FMNL1: variants seen among roughly 807,000 people sequenced by gnomAD.
FMNL1 encodes the protein formin like 1.
Under a neutral mutation model 121.3 loss-of-function variants are expected in FMNL1, and 43 were observed. The observed-to-expected ratio is 0.35, with a 90% CI of 0.28 to 0.46. The LOEUF (loss-of-function observed/expected upper bound fraction) is 0.46. Ranked by LOEUF, FMNL1 falls within the 20% of genes least tolerant of loss-of-function variation. The probability of loss-of-function intolerance (pLI) is 1.00; values close to 1 mark genes in which losing one functional copy is unlikely to be tolerated. For synonymous variants in FMNL1, 613 were observed against 613.5 expected (o/e 1.00, Z 0.01); for missense variants, 1,191 against 1,482.4 (o/e 0.80, Z 3.23).
rs1020654688 is a variant in FMNL1, at chr17:45,246,621, GC to G, written c.*8+19del. ...GCCCCTCAGGTACCCAGATGACCTGGCCTCTGATACCACGCTGCCCACAGCC... is the reference window on the plus strand; with the variant it reads ...GCCCCTCAGGTACCCAGATGACCTGGCTCTGATACCACGCTGCCCACAGCC... On this transcript the variant is annotated intron_variant, in intron 26 of 26. Coordinates refer to ENST00000331495, the MANE Select transcript of FMNL1 (RefSeq NM_005892.4). The G allele has an allele frequency of 6.4e-7, 1 of 1,573,182 alleles. No individual in the cohort carries two copies. The highest frequency in any genetic ancestry group is 8.6e-7 in the Non-Finnish European group (1 of 1,157,052).
At position 45,241,609 on chromosome 17, in the gene FMNL1, G is replaced by A; in HGVS notation, c.1560G>A (p.Gly520=). Residue 520 remains glycine (G), a synonymous_variant, in exon 14 of 27, where the codon GGG becomes GGA. Transcript: ENST00000331495. The surrounding 1 kb of genome is among the most constrained non-coding windows in gnomAD (Gnocchi z 7.0). ...GCGGCGGTGATGCTCCGACTCCGGG[G>A]GTGCCGACCGGCTCCCCCAGCCCAG... ...TPSGGDAPTP[G]VPTGSPSPDL... The A allele has an allele frequency of 6.5e-7, 1 of 1,527,094 alleles. No individual in the cohort carries two copies. Among genetic ancestry groups the A allele is most frequent in the Non-Finnish European group, 8.8e-7 (1 of 1,134,396 alleles). The allele number at this position is 1,527,094 out of a possible 1,614,324, so 94.6% of individuals were successfully genotyped here. A position where few individuals can be genotyped will look rare whatever the true frequency, so the allele number is the denominator to read the frequency against.
intron 24 of FMNL1, 34 bp from the exon 25 acceptor site, chr17:45,246,176 G>A (rs1259735618): frequency 1.3e-6 from 2 of 1,584,622 alleles, no homozygotes; most frequent in African/African-American, 1.3e-5. Flanking sequence ...TGATGGGGAG[G>A]CATCCTGGAG....
chr17:45,246,432 T>TCTTG lies in FMNL1; in HGVS notation c.3212-70_3212-67dup, dbSNP rs532560350. On this transcript the variant is annotated intron_variant, in intron 25 of 26. Transcript: ENST00000331495. ...CTGGGGGACTGGCTGCCACACTGCT[T>TCTTG]CTTGCTACCTTTTCTGTTTTTCTTT... 499 of 1,613,122 alleles carry TCTTG rather than the reference T, an allele frequency of 3.1e-4. 4 individuals are homozygous for TCTTG. The South Asian group carries it at 5.0e-3, about 16-fold the overall frequency.
chr17:45,240,642 A>G lies in FMNL1; in HGVS notation c.1230+17A>G, dbSNP rs773970931. ...GTGGCGCTGGTGAGAGTGGGTCCTG[A>G]CCCCAGCCCAGCACATCATAGGCCC... On this transcript the variant is annotated intron_variant, in intron 12 of 26. Coordinates refer to ENST00000331495, the MANE Select transcript of FMNL1 (RefSeq NM_005892.4). 1.2e-6 allele frequency: 2 copies of G among 1,608,868 alleles called. No homozygotes were observed. Among genetic ancestry groups the G allele is most frequent in the South Asian group, 1.1e-5 (1 of 90,532 alleles).
chr17:45,223,989 G>C (rs866800407), intron 1 of FMNL1, among the ~76,000 whole-genome samples: 2 of 152,116 alleles, frequency 1.3e-5, no homozygotes, highest in African/African-American at 4.8e-5. Context: ...ATGCCACTGG[G>C]AGTCCCTGAG....
At position 45,241,627 on chromosome 17, in the gene FMNL1, C is replaced by A. The variant is rs1272679028; in HGVS notation, c.1578C>A (p.Pro526=). The A allele has an allele frequency of 6.6e-7, 1 of 1,511,290 alleles. No individual in the cohort carries two copies. The highest frequency in any genetic ancestry group is 2.4e-5 in the East Asian group (1 of 42,268). The allele number at this position is 1,511,290 out of a possible 1,614,324, so 93.6% of individuals were successfully genotyped here. The change falls in exon 14 of 27, where the codon CCC becomes CCA. Residue 526 remains proline (P), a synonymous_variant. Transcript: ENST00000331495. This position sits in a 1 kb window ranked among gnomAD's most constrained non-coding sequence, Gnocchi z 7.0. ...CTCCGGGGGTGCCGACCGGCTCCCC[C>A]AGCCCAGGTGCGCAGGAGCTTCAGG... is the stretch of plus-strand genomic sequence containing the variant. ...APTPGVPTGS[P]SPDLAPAAEP...
intron 1 of FMNL1, among the ~76,000 whole-genome samples, chr17:45,227,878 G>A (rs185258319): frequency 5.8e-4 from 88 of 152,326 alleles, no homozygotes; most frequent in African/African-American, 2.1e-3. Flanking sequence ...TGTAGGGCTA[G>A]TTGGGCCCAG....
intron 1 of FMNL1, among the ~76,000 whole-genome samples, chr17:45,224,329 A>G (rs2043290213): frequency 6.6e-6 from 1 of 152,140 alleles, no homozygotes; most frequent in Non-Finnish European, 1.5e-5. Flanking sequence ...GAGTTGGTTC[A>G]ACCCTCAGGT....
chr17:45,230,559 T>G, intron 1 of FMNL1, 45 bp from the exon 2 acceptor site: 2 of 1,600,614 alleles, frequency 1.2e-6, no homozygotes, highest in Non-Finnish European at 1.7e-6. Context: ...CCTCTCCCCT[T>G]GTTGGGGCCC....
rs2043813992 is a variant in FMNL1, at chr17:45,245,679, C to T, written c.2940C>T (p.Thr980=). 1.2e-6 allele frequency: 2 copies of T among 1,614,102 alleles called. No individual in the cohort carries two copies. Among genetic ancestry groups the T allele is most frequent in the African/African-American group, 2.7e-5 (2 of 75,026 alleles). The part of the protein sequence containing the change: ...VVEYFGENPK[T]TSPGLFFSLF... ...AGTACTTCGGAGAGAACCCCAAGAC[C>T]ACATCCCCAGGCCTGTTCTTCTCCC... is the stretch of plus-strand genomic sequence containing the variant. The change falls in exon 23 of 27, where the codon ACC becomes ACT. Residue 980 remains threonine (T), a synonymous_variant. Transcript: ENST00000331495.
chr17:45,233,705 C>T lies in FMNL1; in HGVS notation c.459C>T (p.Tyr153=), dbSNP rs2043488580. 1.9e-6 allele frequency: 3 copies of T among 1,613,940 alleles called. No individual in the cohort carries two copies. The highest frequency in any genetic ancestry group is 1.7e-6 in the Non-Finnish European group (2 of 1,179,986). The part of the protein sequence containing the change: ...ENRGLDVLLE[Y]LAFAQCSVTY... ...GTGGCCTGGATGTGCTGCTCGAGTA[C>T]CTGGCCTTTGCCCAGTGCTCTGTCA... Residue 153 remains tyrosine (Y), a synonymous_variant, in exon 5 of 27, where the codon TAC becomes TAT. Coordinates refer to ENST00000331495, the MANE Select transcript of FMNL1 (RefSeq NM_005892.4). The surrounding 1 kb of genome is among the most constrained non-coding windows in gnomAD (Gnocchi z 4.1).
intron 6 of FMNL1, among the ~76,000 whole-genome samples, chr17:45,235,750 T>C (rs921462873): frequency 1.3e-5 from 2 of 152,184 alleles, no homozygotes; most frequent in East Asian, 3.8e-4. Context: ...AAGTGACTTA[T>C]CCAGTAAATG....
chr17:45,241,301 C>G lies in FMNL1; in HGVS notation c.1332+71C>G. 1 of 1,606,478 alleles carries G rather than the reference C, an allele frequency of 6.2e-7. No homozygotes were observed. The highest frequency in any genetic ancestry group is 2.3e-5 in the East Asian group (1 of 44,396). On this transcript the variant is annotated intron_variant, in intron 13 of 26. Transcript: ENST00000331495. The surrounding 1 kb of genome is among the most constrained non-coding windows in gnomAD (Gnocchi z 7.0). ...GCTGAGGCTTCTAGGCTTGACATCT[C>G]CCTCCACCCCGGGAAGAAGATGGAG...
rs1280407493 is a variant in FMNL1 at position 45,247,141 on chromosome 17, C to T, written c.*283C>T. On this transcript the variant is annotated 3_prime_UTR_variant, in exon 27 of 27. Transcript: ENST00000331495. ...CCACAGAGGGCAGCATCGCCCGCCC[C>T]TTCCCCCAAATGCTGCTTGCAGCAC... is the stretch of plus-strand genomic sequence containing the variant. 8 of 587,220 alleles carry T rather than the reference C, an allele frequency of 1.4e-5. No homozygotes were observed. Among genetic ancestry groups the T allele is most frequent in the African/African-American group, 1.1e-4 (6 of 53,776 alleles). 36.4% of individuals were successfully genotyped at this position (587,220 alleles called of 1,614,324 possible).
chr17:45,235,424 A>G (rs1456793847), intron 6 of FMNL1, among the ~76,000 whole-genome samples: 1 of 152,242 alleles, frequency 6.6e-6, no homozygotes, highest in African/African-American at 2.4e-5. Context: ...AGCATGAACA[A>G]AAACTCTGAC....
Position 45,233,987 on chromosome 17 carries a change from G to A in FMNL1, c.486-85G>A, listed in dbSNP as rs1156841134. On this transcript the variant is annotated intron_variant, in intron 5 of 26. Transcript: ENST00000331495. This position sits in a 1 kb window ranked among gnomAD's most constrained non-coding sequence, Gnocchi z 4.1. Reference sequence around the variant, plus strand: ...TCCTGCTCCTTAGTCTCACCTGCAGGTCTGTCTCTCCTTGCGTTTCCTCTG... The same window carrying A: ...TCCTGCTCCTTAGTCTCACCTGCAGATCTGTCTCTCCTTGCGTTTCCTCTG... 6 of 1,539,974 alleles carry A rather than the reference G, an allele frequency of 3.9e-6. No homozygotes were observed. In the South Asian group the frequency reaches 7.3e-5, roughly 19 times the overall value.
chr17:45,232,577 G>A, intron 3 of FMNL1, 97 bp downstream of exon 3: 1 of 1,079,028 alleles, frequency 9.3e-7, no homozygotes, highest in Admixed American at 2.0e-5. Flanking sequence ...CTATGTGCGT[G>A]TGTGGGTGCA....
intron 1 of FMNL1, among the ~76,000 whole-genome samples, chr17:45,224,526 G>C: frequency 6.6e-6 from 1 of 152,198 alleles, no homozygotes; most frequent in East Asian, 1.9e-4. Context: ...CCTCAGGGAT[G>C]TAGTCCAGCG....
At chr17:45,224,688 C>T (rs540520553) in intron 1 of FMNL1, among the ~76,000 whole-genome samples, 1 of 152,346 alleles carries the variant, frequency 6.6e-6, no homozygotes, top group South Asian at 2.1e-4. Context: ...GGGAGCCCTT[C>T]TCCCATGCAA....
Sources: gnomAD v4.1 joint callset for allele counts (sites outside exome capture counted in the v4.1 genomes callset) on GRCh38, gnomAD v4.1.1 for gene constraint, Gnocchi (gnomAD v3.1) non-coding constraint, MANE v1.5 for transcripts, NCBI Gene and HGNC (gene_info 2026-07-23, HGNC 2026-07-21) for gene names.